NR6A1: variants seen among roughly 807,000 people sequenced by gnomAD.
NR6A1 encodes nuclear receptor subfamily 6 group A member 1.
In NR6A1, 7 loss-of-function variants were observed where a neutral mutation model predicts 59.1. The ratio of observed to expected loss-of-function variants is 0.12; its 90% CI spans 0.07 to 0.22. NR6A1 has a LOEUF of 0.22. NR6A1 is among the 10% of genes least tolerant of loss of function. The pLI is 1.00. For synonymous variants in NR6A1, 243 were observed against 236.1 expected, an observed-to-expected ratio of 1.03 and a Z score of -0.27; for missense variants, 468 against 611.6, an observed-to-expected ratio of 0.77 and a Z score of 2.48.
chr9:124,551,784 G>A (rs951902904), intron 3 of NR6A1, among the ~76,000 whole-genome samples: 1 of 152,150 alleles, frequency 6.6e-6, no homozygotes, highest in Non-Finnish European at 1.5e-5. Context: ...TTTTTGTGGT[G>A]TAAAGTTCTA....
chr9:124,726,807 G>A (rs1016316878), intron 2 of NR6A1, among the ~76,000 whole-genome samples: 1 of 152,218 alleles, frequency 6.6e-6, no homozygotes, highest in African/African-American at 2.4e-5. Context: ...ACCTTGGAAT[G>A]TAAGAGATCT....
intron 2 of NR6A1, among the ~76,000 whole-genome samples, chr9:124,624,967 C>T (rs1486373271): frequency 7.5e-6 from 1 of 134,032 alleles, no homozygotes; most frequent in Middle Eastern, 3.8e-3. Flanking sequence ...CATCTGAAAA[C>T]AAAATCTTTA....
At chr9:124,628,318 G>T (rs564309433) in intron 2 of NR6A1, among the ~76,000 whole-genome samples, 1 of 151,884 alleles carries the variant, frequency 6.6e-6, no homozygotes, top group Non-Finnish European at 1.5e-5. Flanking sequence ...GTGAGCCACC[G>T]CACCTGGCCT....
intron 2 of NR6A1, among the ~76,000 whole-genome samples, chr9:124,701,300 T>C (rs1035922408): frequency 6.6e-6 from 1 of 152,232 alleles, no homozygotes; most frequent in Non-Finnish European, 1.5e-5. Context: ...GACATTCCAA[T>C]TTTAATTTGC....
At position 124,666,275 on chromosome 9, in the gene NR6A1, C is replaced by CTTTTTTTTTTTTTTTTTT. The variant is rs922378385; in HGVS notation, c.142+67015_142+67032dup. Among the ~76,000 whole-genome samples the CTTTTTTTTTTTTTTTTTT allele has an allele frequency of 1.5e-3, 156 of 103,046 alleles. 11 individuals are homozygous for CTTTTTTTTTTTTTTTTTT. The highest frequency in any genetic ancestry group is 6.7e-3 in the East Asian group (21 of 3,128). The allele number at this position is 103,046 out of a possible 152,430, so 67.6% of individuals were successfully genotyped here. ...TTGGCGGAATTACCTCTATGTGGTT[C>CTTTTTTTTTTTTTTTTTT]TTTTTTTTTTTTTTTTTTTTTGAGA... is the stretch of plus-strand genomic sequence containing the variant. On this transcript the variant is annotated intron_variant, in intron 2 of 9. Coordinates refer to ENST00000487099, the MANE Select transcript of NR6A1 (RefSeq NM_033334.4).
At chr9:124,533,890 C>T (rs868068940) in intron 7 of NR6A1, among the ~76,000 whole-genome samples, 10 of 152,156 alleles carry the variant, frequency 6.6e-5, no homozygotes, top group African/African-American at 2.2e-4. Flanking sequence ...ACCTCGTGAT[C>T]TGCCTGCCTC....
At chr9:124,527,259 T>C (rs1016459951) in intron 7 of NR6A1, among the ~76,000 whole-genome samples, 1 of 152,126 alleles carries the variant, frequency 6.6e-6, no homozygotes, top group Non-Finnish European at 1.5e-5. Flanking sequence ...GGGATATAAA[T>C]GTGGAGAAGT....
At chr9:124,712,050 A>G (rs1239119475) in intron 2 of NR6A1, among the ~76,000 whole-genome samples, 1 of 152,164 alleles carries the variant, frequency 6.6e-6, no homozygotes, top group Non-Finnish European at 1.5e-5. Context: ...TTTCAGTCTG[A>G]GTGCTCTTCC....
intron 2 of NR6A1, among the ~76,000 whole-genome samples, chr9:124,612,455 C>A (rs1835776021): frequency 6.6e-6 from 1 of 152,210 alleles, no homozygotes; most frequent in Middle Eastern, 3.2e-3. Context: ...AGCATCCCTT[C>A]TTGACAAGCC....
chr9:124,559,366 A>C (rs1172697615), intron 2 of NR6A1, among the ~76,000 whole-genome samples: 2 of 152,208 alleles, frequency 1.3e-5, no homozygotes, highest in Non-Finnish European at 2.9e-5. Context: ...TTTTCTTTAT[A>C]TGGAGCCAAA....
rs550335149 is a variant in NR6A1, at chr9:124,549,981, G to GT, written c.385+4346dup. Among the ~76,000 whole-genome samples the GT allele has an allele frequency of 6.9e-4, 105 of 152,216 alleles. 1 individual carries two copies. The South Asian group carries it at 0.018, about 26-fold the overall frequency. On this transcript the variant is annotated intron_variant, in intron 3 of 9. Transcript: ENST00000487099. ...ATCTGTGACAGCTCAGTCTTTCCTTGTTTTTTTGTGACTTTGACACTTTTC... is the reference window on the plus strand; with the variant it reads ...ATCTGTGACAGCTCAGTCTTTCCTTGTTTTTTTTGTGACTTTGACACTTTTC...
At chr9:124,742,453 C>T (rs138669235) in intron 1 of NR6A1, among the ~76,000 whole-genome samples, 2,304 of 152,028 alleles carry the variant, frequency 0.015, 49 homozygotes, top group African/African-American at 0.053. Context: ...CCCAGCTACT[C>T]GAGAGGCTGA....
At chr9:124,690,023 A>G (rs1264389664) in intron 2 of NR6A1, among the ~76,000 whole-genome samples, 3 of 152,184 alleles carry the variant, frequency 2.0e-5, no homozygotes, top group Non-Finnish European at 4.4e-5. Flanking sequence ...GAAAACTAGC[A>G]CAGTTTGGCA....
intron 2 of NR6A1, among the ~76,000 whole-genome samples, chr9:124,558,495 T>C (rs933003518): frequency 2.6e-5 from 4 of 152,008 alleles, no homozygotes; most frequent in African/African-American, 4.8e-5. Flanking sequence ...CAAAGAAGCA[T>C]TTGGAAAACT....
At chr9:124,750,609 A>C (rs2131171479) in intron 1 of NR6A1, among the ~76,000 whole-genome samples, 1 of 152,042 alleles carries the variant, frequency 6.6e-6, no homozygotes, top group South Asian at 2.1e-4. Context: ...AAATACAAAA[A>C]ATTAGCCGGG....
intron 2 of NR6A1, among the ~76,000 whole-genome samples, chr9:124,700,377 A>T (rs955103727): frequency 2.9e-4 from 44 of 151,336 alleles, no homozygotes; most frequent in African/African-American, 5.6e-4. Flanking sequence ...GCATTTTTTT[A>T]AATTTTTTAA....
intron 5 of NR6A1, among the ~76,000 whole-genome samples, chr9:124,539,488 T>C (rs574771060): frequency 4.6e-5 from 7 of 152,354 alleles, no homozygotes; most frequent in Admixed American, 1.3e-4. Context: ...GAAAGGTTTC[T>C]GGGGAAAGGA....
chr9:124,624,417 A>T (rs899493685), intron 2 of NR6A1, among the ~76,000 whole-genome samples: 1 of 152,218 alleles, frequency 6.6e-6, no homozygotes, highest in African/African-American at 2.4e-5. Context: ...CTGAATACTG[A>T]AAAGACACCT....
At position 124,607,820 on chromosome 9, in the gene NR6A1, T is replaced by C. The variant is rs781620671; in HGVS notation, c.143-53250A>G. Reference sequence around the variant, plus strand: ...AGCACTTTGGCAGTCTAAGTTAGGATGATCGCTTGAGGCCAGGAGTTCAAG... The same window carrying C: ...AGCACTTTGGCAGTCTAAGTTAGGACGATCGCTTGAGGCCAGGAGTTCAAG... On this transcript the variant is annotated intron_variant, in intron 2 of 9. Transcript: ENST00000487099. 6.6e-5 allele frequency among the ~76,000 whole-genome samples: 10 copies of C among 152,254 alleles called. No individual in the cohort carries two copies. The South Asian group carries it at 1.7e-3, about 25-fold the overall frequency.
Sources: gnomAD v4.1 joint callset for allele counts (sites outside exome capture counted in the v4.1 genomes callset) on GRCh38, gnomAD v4.1.1 for gene constraint, MANE v1.5 for transcripts, NCBI Gene and HGNC (gene_info 2026-07-23, HGNC 2026-07-21) for gene names.